The following ZC3H12B variants were observed in gnomAD, a reference collection of about 807,000 sequenced individuals.
ZC3H12B encodes probable ribonuclease ZC3H12B.
In ZC3H12B, 7 loss-of-function variants were observed where a neutral mutation model predicts 43.9. That is an observed-to-expected ratio of 0.16 (90% CI 0.09 to 0.30). The LOEUF (loss-of-function observed/expected upper bound fraction) is 0.30, where lower values mean the gene tolerates loss of function less well. Ranked by LOEUF, ZC3H12B falls within the 10% of genes least tolerant of loss-of-function variation. The pLI is 1.00. For missense variants in ZC3H12B, 475 were observed against 670.2 expected (o/e 0.71, Z 3.22); for synonymous variants, 222 against 241.7 (o/e 0.92, Z 0.76).
chrX:65,267,012 A>T, the ZC3H12B span, among the ~76,000 whole-genome samples: 1 of 110,277 alleles, frequency 9.1e-6, no homozygotes, highest in African/African-American at 3.3e-5. Flanking sequence ...ATGCATCCTC[A>T]GAGCTTGACA....
chrX:65,390,264 G>T (rs901103991), intron 2 of ZC3H12B, among the ~76,000 whole-genome samples: 2 of 110,756 alleles, frequency 1.8e-5, no homozygotes, highest in Admixed American at 9.6e-5. Context: ...CATAGGGTAG[G>T]GGGAGGGGGA....
At chrX:65,426,569 T>C (rs2067086617) in intron 3 of ZC3H12B, among the ~76,000 whole-genome samples, 1 of 110,759 alleles carries the variant, frequency 9.0e-6, no homozygotes, top group Admixed American at 9.7e-5. Flanking sequence ...TGTTAGGTTG[T>C]TAACGAGATC....
At chrX:65,445,262 C>A (rs778738276) in intron 3 of ZC3H12B, among the ~76,000 whole-genome samples, 2 of 112,074 alleles carry the variant, frequency 1.8e-5, no homozygotes, top group African/African-American at 3.2e-5. Context: ...TGTCTTGATG[C>A]TTGAGGATGT....
chrX:65,077,487 C>T, the ZC3H12B span, among the ~76,000 whole-genome samples: 2 of 111,999 alleles, frequency 1.8e-5, no homozygotes, highest in African/African-American at 6.5e-5. Flanking sequence ...AGTTGTGGAT[C>T]AGGAGTTAAG....
chrX:65,154,820 G>A, the ZC3H12B span, among the ~76,000 whole-genome samples: 3 of 111,545 alleles, frequency 2.7e-5, no homozygotes, highest in Admixed American at 1.9e-4. Context: ...TCCATCCTGG[G>A]CAACAGAGCA....
intron 3 of ZC3H12B, among the ~76,000 whole-genome samples, chrX:65,456,696 G>A (rs749320198): frequency 1.9e-4 from 20 of 107,899 alleles, no homozygotes; most frequent in Admixed American, 1.4e-3. Context: ...AGCCAGCCTC[G>A]GCCTCCCGAG....
chrX:65,212,500 C>G, the ZC3H12B span, among the ~76,000 whole-genome samples: 1 of 62,502 alleles, frequency 1.6e-5, no homozygotes, highest in African/African-American at 6.7e-5. Flanking sequence ...ATATAATATA[C>G]ATATTATATA....
the ZC3H12B span, among the ~76,000 whole-genome samples, chrX:65,178,952 T>C: frequency 8.9e-6 from 1 of 112,177 alleles, no homozygotes; most frequent in Admixed American, 9.5e-5. Context: ...TAAAGACACA[T>C]GCACATGTAC....
At chrX:65,262,780 T>G in the ZC3H12B span, among the ~76,000 whole-genome samples, 6 of 110,777 alleles carry the variant, frequency 5.4e-5, no homozygotes, top group Admixed American at 5.8e-4. Flanking sequence ...TCTATTGTAT[T>G]CATTAATTTT....
chrX:65,089,828 G>A, the ZC3H12B span, among the ~76,000 whole-genome samples: 6 of 110,587 alleles, frequency 5.4e-5, no homozygotes, highest in Non-Finnish European at 1.1e-4. Flanking sequence ...ATTAGACTAG[G>A]CCTATTCAGG....
chrX:65,122,788 A>C, the ZC3H12B span, among the ~76,000 whole-genome samples: 2 of 111,592 alleles, frequency 1.8e-5, no homozygotes, highest in South Asian at 7.5e-4. Flanking sequence ...GAGACAAAGA[A>C]GGCCATTACA....
the ZC3H12B span, among the ~76,000 whole-genome samples, chrX:65,214,212 G>C: frequency 9.1e-6 from 1 of 110,112 alleles, no homozygotes; most frequent in Non-Finnish European, 1.9e-5. Context: ...CTCAACATTA[G>C]GGTGGCTGTA....
chrX:65,324,453 T>G, the ZC3H12B span, among the ~76,000 whole-genome samples: 3 of 111,847 alleles, frequency 2.7e-5, no homozygotes, highest in African/African-American at 9.7e-5. Context: ...TAATACACTT[T>G]TCTCTTAGAA....
At chrX:65,467,711 G>A (rs1248289587) in intron 3 of ZC3H12B, among the ~76,000 whole-genome samples, 5 of 111,920 alleles carry the variant, frequency 4.5e-5, no homozygotes, top group African/African-American at 1.6e-4. Context: ...GTGATGTTGA[G>A]TATTTTTTCA....
the ZC3H12B span, chrX:65,185,564 T>C: frequency 2.7e-5 from 3 of 111,490 alleles, no homozygotes; most frequent in Non-Finnish European, 3.8e-5. Flanking sequence ...AACTCTTGTT[T>C]TTAAAACAAT....
chrX:65,321,248 A>AAAAG, the ZC3H12B span, among the ~76,000 whole-genome samples: 2 of 112,321 alleles, frequency 1.8e-5, no homozygotes, highest in East Asian at 2.8e-4. Flanking sequence ...TCACTTAAAA[A>AAAAG]AAAGAAAGAA....
chrX:65,212,759 T>G, the ZC3H12B span, among the ~76,000 whole-genome samples: 1 of 98,568 alleles, frequency 1.0e-5, no homozygotes, highest in African/African-American at 3.7e-5. Context: ...CTCTTAACGT[T>G]TTTCTGTCTC....
the ZC3H12B span, among the ~76,000 whole-genome samples, chrX:65,282,778 A>T: frequency 2.7e-5 from 3 of 112,011 alleles, no homozygotes; most frequent in South Asian, 1.1e-3. Context: ...ACCAGGAAGA[A>T]GTTGATTTGC....
the ZC3H12B span, among the ~76,000 whole-genome samples, chrX:65,240,687 T>A: frequency 1.8e-5 from 2 of 112,488 alleles, no homozygotes; most frequent in Non-Finnish European, 3.8e-5. Context: ...CACTGATTCG[T>A]TTTCATCCTT....
Sources: allele counts gnomAD v4.1 joint callset (sites outside exome capture counted in the v4.1 genomes callset), GRCh38; gene constraint gnomAD v4.1.1; transcripts MANE v1.5; gene names NCBI Gene and HGNC (gene_info 2026-07-23, HGNC 2026-07-21).